The following TMEM132D variants were observed in gnomAD, a reference collection of about 807,000 sequenced individuals.
TMEM132D encodes mature OL transmembrane protein.
Under a neutral mutation model 62.3 loss-of-function variants are expected in TMEM132D, and 21 were observed. The ratio of observed to expected loss-of-function variants is 0.34; its 90% CI spans 0.24 to 0.49. The LOEUF is 0.49. Ranked by LOEUF, TMEM132D falls within the 20% of genes least tolerant of loss-of-function variation. TMEM132D has a pLI of 0.99. For missense variants in TMEM132D, 1,346 were observed against 1,402.8 expected, an observed-to-expected ratio of 0.96 and a Z score of 0.65; for synonymous variants, 621 against 575.6, an observed-to-expected ratio of 1.08 and a Z score of -1.13.
chr12:129,310,088 G>C (rs931031230), intron 4 of TMEM132D, among the ~76,000 whole-genome samples: 1 of 152,034 alleles, frequency 6.6e-6, no homozygotes, highest in African/African-American at 2.4e-5. Context: ...GGCTGGCCGA[G>C]AAGGAAAATC....
intron 2 of TMEM132D, among the ~76,000 whole-genome samples, chr12:129,699,236 T>G (rs902234749): frequency 1.3e-5 from 2 of 152,234 alleles, no homozygotes; most frequent in Non-Finnish European, 2.9e-5. Context: ...TATTCTTATA[T>G]AAGAAACTCA....
intron 1 of TMEM132D, among the ~76,000 whole-genome samples, chr12:129,808,432 A>G (rs1379232390): frequency 2.0e-5 from 3 of 152,242 alleles, no homozygotes; most frequent in African/African-American, 7.2e-5. Flanking sequence ...ATATTCAGGA[A>G]GCAGGGGTTG....
In TMEM132D at chr12:129,481,227, G is replaced by A. The variant is rs540563323; in HGVS notation, c.1115+49832C>T. Reference sequence around the variant, plus strand: ...CTGCTGGGCACGGTGGCTCACACTTGTAACCCCAGAACTATGGGAGGCCAA... The same window carrying A: ...CTGCTGGGCACGGTGGCTCACACTTATAACCCCAGAACTATGGGAGGCCAA... On this transcript the variant is annotated intron_variant, in intron 3 of 8. Coordinates refer to ENST00000422113, the MANE Select transcript of TMEM132D (RefSeq NM_133448.3). Among the ~76,000 whole-genome samples the A allele has an allele frequency of 7.9e-5, 12 of 152,202 alleles. 1 individual carries two copies. The highest frequency in any genetic ancestry group is 6.5e-4 in the Admixed American group (10 of 15,296).
chr12:129,743,360 G>C (rs1040585407), intron 1 of TMEM132D, among the ~76,000 whole-genome samples: 1 of 152,184 alleles, frequency 6.6e-6, no homozygotes, highest in Non-Finnish European at 1.5e-5. Context: ...CCATGCTGCT[G>C]TTCGCACGAT....
chr12:129,075,465 GA>G (rs1422670777), intron 8 of TMEM132D, among the ~76,000 whole-genome samples: 3 of 152,060 alleles, frequency 2.0e-5, no homozygotes, highest in African/African-American at 7.2e-5. Flanking sequence ...ACATTCAAAT[GA>G]AAAATATTTA....
intron 1 of TMEM132D, among the ~76,000 whole-genome samples, chr12:129,861,735 CAGAG>C (rs1873905605): frequency 8.0e-6 from 1 of 125,418 alleles, no homozygotes; most frequent in East Asian, 2.3e-4. Context: ...GCCTGGGCAA[CAGAG>C]AGAGACTCTG....
intron 5 of TMEM132D, among the ~76,000 whole-genome samples, chr12:129,174,330 T>C (rs919928880): frequency 2.0e-5 from 3 of 152,284 alleles, no homozygotes; most frequent in African/African-American, 7.2e-5. Context: ...CATGCAGTGT[T>C]TGGTTTTCTG....
At chr12:129,456,352 A>T (rs1312632696) in intron 3 of TMEM132D, among the ~76,000 whole-genome samples, 2 of 152,180 alleles carry the variant, frequency 1.3e-5, no homozygotes, top group Non-Finnish European at 1.5e-5. Flanking sequence ...ATTATAATCC[A>T]GTGACCATGG....
chr12:129,829,737 C>T (rs970117610), intron 1 of TMEM132D, among the ~76,000 whole-genome samples: 19 of 152,140 alleles, frequency 1.2e-4, no homozygotes, highest in Non-Finnish European at 4.4e-5. Context: ...GCTTTTGAAG[C>T]ATCAACCTTG....
chr12:129,135,586 T>C (rs1876534069), intron 5 of TMEM132D, among the ~76,000 whole-genome samples: 1 of 152,206 alleles, frequency 6.6e-6, no homozygotes, highest in Non-Finnish European at 1.5e-5. Flanking sequence ...GATTAGTAAA[T>C]TGTGTTGTAT....
chr12:129,479,761 C>G (rs111632152), intron 3 of TMEM132D, among the ~76,000 whole-genome samples: 1 of 150,758 alleles, frequency 6.6e-6, no homozygotes, highest in African/African-American at 2.4e-5. Flanking sequence ...GAAGAAAGTT[C>G]TCACTGTGTC....
At chr12:129,803,036 G>C (rs1169217146) in intron 1 of TMEM132D, among the ~76,000 whole-genome samples, 2 of 150,522 alleles carry the variant, frequency 1.3e-5, no homozygotes, top group Non-Finnish European at 3.0e-5. Flanking sequence ...CAGATTCATA[G>C]AGCAAGTCCT....
At chr12:129,099,778 C>T (rs1230421373) in intron 5 of TMEM132D, among the ~76,000 whole-genome samples, 1 of 152,184 alleles carries the variant, frequency 6.6e-6, no homozygotes, top group East Asian at 1.9e-4. Context: ...TGTTGCATTC[C>T]ATTAAAAGTG....
intron 5 of TMEM132D, among the ~76,000 whole-genome samples, chr12:129,128,604 G>A (rs550003208): frequency 1.3e-5 from 2 of 152,278 alleles, no homozygotes; most frequent in Non-Finnish European, 2.9e-5. Context: ...TTTAGGTGGG[G>A]ACACAGAGGC....
intron 1 of TMEM132D, among the ~76,000 whole-genome samples, chr12:129,749,164 C>G (rs150720114): frequency 6.6e-6 from 1 of 152,142 alleles, no homozygotes; most frequent in Non-Finnish European, 1.5e-5. Flanking sequence ...ACACTTAGAT[C>G]GATGCTAATT....
At chr12:129,380,260 G>T (rs181065429) in intron 3 of TMEM132D, among the ~76,000 whole-genome samples, 14 of 152,154 alleles carry the variant, frequency 9.2e-5, no homozygotes, top group Admixed American at 2.6e-4. Context: ...AATTCACTTA[G>T]CAGGCAAACG....
intron 3 of TMEM132D, among the ~76,000 whole-genome samples, chr12:129,495,084 G>T (rs1426106783): frequency 6.6e-6 from 1 of 152,184 alleles, no homozygotes; most frequent in East Asian, 1.9e-4. Context: ...AAACAGAAGG[G>T]AGTCTCAGCA....
At chr12:129,209,381 G>T (rs988089005) in intron 5 of TMEM132D, 139 bp downstream of exon 5, 24 of 1,035,022 alleles carry the variant, frequency 2.3e-5, no homozygotes, top group Admixed American at 8.4e-5. Flanking sequence ...GATTTAAGTG[G>T]CAGGATAACC....
At chr12:129,310,025 C>T (rs1881935264) in intron 4 of TMEM132D, among the ~76,000 whole-genome samples, 2 of 151,954 alleles carry the variant, frequency 1.3e-5, no homozygotes, top group South Asian at 2.1e-4. Context: ...AAAAAAAGTG[C>T]TACAGCCAGA....
Sources: gnomAD v4.1 joint callset for allele counts (sites outside exome capture counted in the v4.1 genomes callset) on GRCh38, gnomAD v4.1.1 for gene constraint, MANE v1.5 for transcripts, NCBI Gene and HGNC (gene_info 2026-07-23, HGNC 2026-07-21) for gene names.